Variants in ARHGEF4 observed in about 807,000 individuals in gnomAD.
The protein encoded by ARHGEF4 is APC-stimulated guanine nucleotide exchange factor 1.
Under a neutral mutation model 162.0 loss-of-function variants are expected in ARHGEF4, and 119 were observed. The ratio of observed to expected loss-of-function variants is 0.73; its 90% CI spans 0.63 to 0.86. ARHGEF4 has a LOEUF of 0.86. Ranked by LOEUF, ARHGEF4 falls within the 40% of genes least tolerant of loss-of-function variation. The pLI, the probability that ARHGEF4 is intolerant of heterozygous loss-of-function variation, is 0.00. For synonymous variants in ARHGEF4, 1,014 were observed against 979.9 expected (o/e 1.03, Z -0.65); for missense variants, 2,488 against 2,456.0 (o/e 1.01, Z -0.28).
At chr2:130,906,748 T>G (rs1680834781) in intron 1 of ARHGEF4, among the ~76,000 whole-genome samples, 1 of 152,244 alleles carries the variant, frequency 6.6e-6, no homozygotes, top group African/African-American at 2.4e-5. Context: ...CACGTCATTC[T>G]CTAAAGTTCC....
intron 4 of ARHGEF4, among the ~76,000 whole-genome samples, chr2:131,020,296 T>G (rs370212467): frequency 0.06 from 8,944 of 149,622 alleles, 378 homozygotes; most frequent in South Asian, 0.17. Context: ...CCATTAACTC[T>G]TCATTTAACA....
rs545611668 is a variant in ARHGEF4, at chr2:130,868,603, G to A, written c.39+31611G>A. ...GCAGCAGAACATCCAAGGAAAAGGC[G>A]AAATCAGGGAGAGGCCAGGTCAGGC... On this transcript the variant is annotated intron_variant, in intron 1 of 13. Coordinates refer to ENST00000409359, the MANE Select transcript of ARHGEF4 (RefSeq NM_001367493.1). 2.0e-4 allele frequency among the ~76,000 whole-genome samples: 30 copies of A among 152,270 alleles called. 1 individual carries two copies. Among genetic ancestry groups the A allele is most frequent in the East Asian group, 1.9e-4 (1 of 5,174 alleles).
chr2:130,935,527 C>T (rs1682893422), intron 3 of ARHGEF4, among the ~76,000 whole-genome samples: 1 of 152,192 alleles, frequency 6.6e-6, no homozygotes, highest in African/African-American at 2.4e-5. Context: ...AGTTCCCTCT[C>T]AGCATAGCGT....
At chr2:130,976,001 G>A (rs1043529925) in intron 4 of ARHGEF4, among the ~76,000 whole-genome samples, 3 of 152,114 alleles carry the variant, frequency 2.0e-5, no homozygotes, top group Non-Finnish European at 2.9e-5. Flanking sequence ...TCCCATGGGG[G>A]TCCGTCACAG....
intron 1 of ARHGEF4, among the ~76,000 whole-genome samples, chr2:130,888,853 C>T (rs1277527218): frequency 6.6e-6 from 1 of 152,062 alleles, no homozygotes; most frequent in East Asian, 1.9e-4. Flanking sequence ...GTAATCCCAG[C>T]ACTCTGGGAG....
Position 130,926,048 on chromosome 2 carries a change from C to CTTTCTTTCTT in ARHGEF4, c.3553-4903_3553-4902insTTCTTTCTTT. ...TCTTTCTTTCTTTCTTTCTTTCTTT[C>CTTTCTTTCTT]TCTTTCTTTCTTTCTTTCTTTCTTT... On this transcript the variant is annotated intron_variant, in intron 2 of 13. Coordinates refer to ENST00000409359, the MANE Select transcript of ARHGEF4 (RefSeq NM_001367493.1). 1.5e-3 allele frequency among the ~76,000 whole-genome samples: 80 copies of CTTTCTTTCTT among 53,452 alleles called. 1 individual carries two copies. Among genetic ancestry groups the CTTTCTTTCTT allele is most frequent in the African/African-American group, 3.4e-3 (56 of 16,276 alleles). 35.1% of individuals were successfully genotyped at this position (53,452 alleles called of 152,430 possible).
intron 1 of ARHGEF4, among the ~76,000 whole-genome samples, chr2:130,856,215 CA>C (rs1167340031): frequency 6.6e-6 from 1 of 152,028 alleles, no homozygotes. Context: ...AGAAATTAAC[CA>C]AATGAAAAAT....
Position 130,914,487 on chromosome 2 carries a change from A to T in ARHGEF4, c.541A>T (p.Thr181Ser). 7.0e-7 allele frequency: 1 copy of T among 1,433,266 alleles called. No homozygotes were observed. The allele number at this position is 1,433,266 out of a possible 1,614,324, so 88.8% of individuals were successfully genotyped here. ...TTTGCTGGCAGGGGTTCCCCGACAC[A>T]CAGGGTGCTGCTTACAGAGGGCCAC... is the stretch of plus-strand genomic sequence containing the variant. Reference protein sequence around the residue: ...ESLLAGVPRHTGCCLQRATDS... With the variant: ...ESLLAGVPRHSGCCLQRATDS... Residue 181 changes from threonine (T) to serine (S), a missense_variant, in exon 2 of 14, where the codon ACA becomes TCA. Thr to Ser is a moderately conservative substitution (Grantham distance 58). Coordinates refer to ENST00000409359, the MANE Select transcript of ARHGEF4 (RefSeq NM_001367493.1).
rs557229425 is a variant in ARHGEF4 at position 130,967,560 on chromosome 2, C to A, written c.3985+20925C>A. Among the ~76,000 whole-genome samples the A allele has an allele frequency of 5.9e-5, 9 of 152,336 alleles. 2 individuals are homozygous for A. Among genetic ancestry groups the A allele is most frequent in the African/African-American group, 2.2e-4 (9 of 41,586 alleles). On this transcript the variant is annotated intron_variant, in intron 4 of 13. Coordinates refer to ENST00000409359, the MANE Select transcript of ARHGEF4 (RefSeq NM_001367493.1). Reference sequence around the variant, plus strand: ...GGAGAAGCCATGCTGCTTCCACATTCCCCCGCAGGCTTCTGCAGCATGCAT... The same window carrying A: ...GGAGAAGCCATGCTGCTTCCACATTACCCCGCAGGCTTCTGCAGCATGCAT...
rs533231697 is a variant in ARHGEF4 at position 130,892,869 on chromosome 2, C to T, written c.40-21117C>T. ...GGGGCACCCCTCCAGCAGCCACTCT[C>T]CCACGCCTGGGGTCCACAAGGGCTT... On this transcript the variant is annotated intron_variant, in intron 1 of 13. Coordinates refer to ENST00000409359, the MANE Select transcript of ARHGEF4 (RefSeq NM_001367493.1). 3.6e-4 allele frequency among the ~76,000 whole-genome samples: 55 copies of T among 152,356 alleles called. 2 individuals carry two copies. The highest frequency in any genetic ancestry group is 1.2e-3 in the African/African-American group (50 of 41,596).
chr2:131,035,102 C>A, intron 5 of ARHGEF4: 1 of 1,095,886 alleles, frequency 9.1e-7, no homozygotes, highest in Non-Finnish European at 1.1e-6. Context: ...ATGGCGAGGG[C>A]CCCGCAGCCC....
intron 5 of ARHGEF4, among the ~76,000 whole-genome samples, chr2:131,032,781 G>A (rs1026060465): frequency 1.3e-5 from 2 of 151,118 alleles, no homozygotes; most frequent in African/African-American, 4.9e-5. Flanking sequence ...GGTGGGAGCT[G>A]TCTGTCCAAC....
chr2:130,859,582 C>CA (rs1330353958), intron 1 of ARHGEF4, among the ~76,000 whole-genome samples: 4 of 668 alleles, frequency 6.0e-3, no homozygotes, highest in South Asian at 0.17. Flanking sequence ...GACTCCAACT[C>CA]AAAAAAAAAA....
At position 131,046,441 on chromosome 2, in the gene ARHGEF4, TC is replaced by T. The variant is rs1476877872; in HGVS notation, c.*254del. The T allele has an allele frequency of 5.8e-6, 3 of 516,036 alleles. No individual in the cohort carries two copies. Among genetic ancestry groups the T allele is most frequent in the Admixed American group, 3.4e-5 (1 of 29,718 alleles). The allele number at this position is 516,036 out of a possible 1,614,324, so 32.0% of individuals were successfully genotyped here. ...CACCGCCGCTGCAGCTTGGGCCCCA[TC>T]CGCCCTCTGGACCTGTGTAGGGCCT... On this transcript the variant is annotated 3_prime_UTR_variant, in exon 14 of 14. Coordinates refer to ENST00000409359, the MANE Select transcript of ARHGEF4 (RefSeq NM_001367493.1).
chr2:131,043,494 G>T lies in ARHGEF4; in HGVS notation c.5068G>T (p.Gly1690Trp). ...CAGGAGCTCAGAACTCATCTACTCG[G>T]GGGAGCTGACTCGAGTTACACAGCC... Reference protein sequence around the residue: ...LVRSSELIYSGELTRVTQPQA... With the variant: ...LVRSSELIYSWELTRVTQPQA... Residue 1690 changes from glycine (G) to tryptophan (W), a missense_variant, in exon 11 of 14, where the codon GGG becomes TGG. Gly to Trp is a radical substitution (Grantham distance 184). This residue lies in a region of ARHGEF4 where 415 missense variants were observed against 512.4 expected (regional missense o/e 0.81). Coordinates refer to ENST00000409359, the MANE Select transcript of ARHGEF4 (RefSeq NM_001367493.1). 1 of 1,614,088 alleles carries T rather than the reference G, an allele frequency of 6.2e-7. No individual in the cohort carries two copies. Among genetic ancestry groups the T allele is most frequent in the African/African-American group, 1.3e-5 (1 of 75,048 alleles).
At chr2:131,011,454 G>A (rs1345923504) in intron 4 of ARHGEF4, among the ~76,000 whole-genome samples, 1 of 152,170 alleles carries the variant, frequency 6.6e-6, no homozygotes, top group Non-Finnish European at 1.5e-5. Flanking sequence ...GAAAAAGGAT[G>A]GTAGCAGAAG....
At chr2:130,848,643 C>T (rs1031936978) in intron 1 of ARHGEF4, among the ~76,000 whole-genome samples, 4 of 152,190 alleles carry the variant, frequency 2.6e-5, no homozygotes, top group Non-Finnish European at 4.4e-5. Context: ...GATCCTGTCT[C>T]TTCCTCCCTC....
At chr2:130,942,029 TA>T (rs758828376) in intron 3 of ARHGEF4, among the ~76,000 whole-genome samples, 9 of 152,246 alleles carry the variant, frequency 5.9e-5, no homozygotes, top group Non-Finnish European at 1.2e-4. Flanking sequence ...TCTTTGATTG[TA>T]AAAGGTTTGG....
At chr2:130,991,727 C>T (rs1218282651) in intron 4 of ARHGEF4, among the ~76,000 whole-genome samples, 1 of 152,238 alleles carries the variant, frequency 6.6e-6, no homozygotes, top group African/African-American at 2.4e-5. Flanking sequence ...GAGCCTTCCC[C>T]CGCCTCCATG....
Sources: gnomAD v4.1 joint callset for allele counts (sites outside exome capture counted in the v4.1 genomes callset) on GRCh38, gnomAD v4.1.1 for gene constraint, gnomAD v4.1.1 regional missense constraint, MANE v1.5 for transcripts, NCBI Gene and HGNC (gene_info 2026-07-23, HGNC 2026-07-21) for gene names.